Variants in SEZ6L observed in about 807,000 individuals in gnomAD.
The protein encoded by SEZ6L is seizure 6-like protein.
SEZ6L carries 37 observed loss-of-function variants against 106.2 expected under a neutral mutation model. The ratio of observed to expected loss-of-function variants is 0.35; its 90% CI spans 0.27 to 0.46. The LOEUF (loss-of-function observed/expected upper bound fraction) is 0.46, where lower values mean the gene tolerates loss of function less well. Ranked by LOEUF, SEZ6L falls within the 20% of genes least tolerant of loss-of-function variation. The pLI, the probability that SEZ6L is intolerant of heterozygous loss-of-function variation, is 1.00. For synonymous variants in SEZ6L, 541 were observed against 570.4 expected (o/e 0.95, Z 0.73); for missense variants, 1,172 against 1,332.8 (o/e 0.88, Z 1.88).
chr22:26,199,379 G>A (rs1461874767), intron 1 of SEZ6L, among the ~76,000 whole-genome samples: 1 of 152,164 alleles, frequency 6.6e-6, no homozygotes. Context: ...GAAAGCCTGG[G>A]AGGGAAAGGT....
intron 13 of SEZ6L, among the ~76,000 whole-genome samples, chr22:26,368,876 G>A (rs1380309392): frequency 2.0e-5 from 3 of 152,088 alleles, no homozygotes; most frequent in Admixed American, 2.0e-4. Context: ...TTTTCCCAAA[G>A]CCACACAGCT....
intron 12 of SEZ6L, among the ~76,000 whole-genome samples, chr22:26,357,213 G>A (rs7292024): frequency 6.6e-6 from 1 of 152,118 alleles, no homozygotes; most frequent in Non-Finnish European, 1.5e-5. Flanking sequence ...TCAAAGTGCT[G>A]GGATTACAGC....
chr22:26,293,640 T>C (rs1019142106), intron 2 of SEZ6L, among the ~76,000 whole-genome samples: 5 of 152,162 alleles, frequency 3.3e-5, no homozygotes, highest in African/African-American at 1.2e-4. Context: ...ATCCCCATTT[T>C]AAAGATGAGA....
chr22:26,172,132 A>C (rs926783692), intron 1 of SEZ6L, among the ~76,000 whole-genome samples: 1 of 152,160 alleles, frequency 6.6e-6, no homozygotes, highest in Non-Finnish European at 1.5e-5. Flanking sequence ...TTGTAACTAC[A>C]TGCAAAGACT....
intron 11 of SEZ6L, among the ~76,000 whole-genome samples, chr22:26,348,709 AGGGAG>A (rs2083152069): frequency 2.4e-5 from 1 of 41,656 alleles, no homozygotes; most frequent in African/African-American, 9.0e-5. Context: ...AAAGAAGGCA[AGGGAG>A]GGAAGGGAGG....
intron 1 of SEZ6L, among the ~76,000 whole-genome samples, chr22:26,283,080 C>T (rs1336568547): frequency 6.6e-6 from 1 of 152,042 alleles, no homozygotes; most frequent in Non-Finnish European, 1.5e-5. Flanking sequence ...TGCCGCCACA[C>T]CTGGCTAATT....
intron 1 of SEZ6L, among the ~76,000 whole-genome samples, chr22:26,200,599 G>A (rs1940875967): frequency 6.6e-6 from 1 of 152,208 alleles, no homozygotes. Flanking sequence ...GCAATGTGGT[G>A]CAGTGGGCAT....
chr22:26,263,990 A>G (rs2080099006), intron 1 of SEZ6L, among the ~76,000 whole-genome samples: 1 of 152,164 alleles, frequency 6.6e-6, no homozygotes, highest in African/African-American at 2.4e-5. Context: ...GATCTTTGCA[A>G]TTCTAGTGAT....
chr22:26,307,112 G>A lies in SEZ6L; in HGVS notation c.1514+968G>A, dbSNP rs555779217. ...TGGAAACCTCTGGGCAATGTGTTGA[G>A]CATACCTCAGAGTGGTCCTGTTGGA... On this transcript the variant is annotated intron_variant, in intron 6 of 16. Coordinates refer to ENST00000248933, the MANE Select transcript of SEZ6L (RefSeq NM_021115.5). Among the ~76,000 whole-genome samples, 23 of 152,336 alleles carry A rather than the reference G, an allele frequency of 1.5e-4. No individual in the cohort carries two copies. In the South Asian group the frequency reaches 2.5e-3, roughly 16 times the overall value.
chr22:26,189,336 T>G (rs1940017101), intron 1 of SEZ6L, among the ~76,000 whole-genome samples: 1 of 152,216 alleles, frequency 6.6e-6, no homozygotes, highest in African/African-American at 2.4e-5. Context: ...GTCTAACTCT[T>G]GAGTCAAAGA....
At chr22:26,298,682 C>G (rs756526095) in intron 4 of SEZ6L, among the ~76,000 whole-genome samples, 15 of 152,230 alleles carry the variant, frequency 9.9e-5, no homozygotes, top group Middle Eastern at 3.4e-3. Context: ...AGAGAGAAGG[C>G]CAATCTGTCT....
At chr22:26,356,654 TAATAATAATA>T (rs2083445235) in intron 12 of SEZ6L, among the ~76,000 whole-genome samples, 1 of 18,484 alleles carries the variant, frequency 5.4e-5, no homozygotes, top group Non-Finnish European at 1.3e-4. Context: ...ATAATAATAA[TAATAATAATA>T]ATAATAATAA....
intron 4 of SEZ6L, among the ~76,000 whole-genome samples, chr22:26,298,395 G>A (rs1259888689): frequency 6.6e-6 from 1 of 152,152 alleles, no homozygotes; most frequent in African/African-American, 2.4e-5. Context: ...TGACTGCGAA[G>A]GAGGCTCTTT....
intron 1 of SEZ6L, among the ~76,000 whole-genome samples, chr22:26,173,375 T>C (rs553075058): frequency 6.6e-6 from 1 of 152,306 alleles, no homozygotes; most frequent in Non-Finnish European, 1.5e-5. Context: ...GTAACTCCAG[T>C]TACCTGTATT....
intron 10 of SEZ6L, among the ~76,000 whole-genome samples, chr22:26,345,518 G>A (rs985364339): frequency 5.9e-5 from 9 of 152,126 alleles, no homozygotes; most frequent in African/African-American, 2.2e-4. Flanking sequence ...CTGAGCATCT[G>A]CAGCTGTGTC....
At chr22:26,231,105 G>C (rs1281571798) in intron 1 of SEZ6L, among the ~76,000 whole-genome samples, 1 of 152,240 alleles carries the variant, frequency 6.6e-6, no homozygotes, top group Non-Finnish European at 1.5e-5. Context: ...AGGCGCAAGA[G>C]GTATTGCTCC....
intron 1 of SEZ6L, among the ~76,000 whole-genome samples, chr22:26,272,558 T>C (rs137182): frequency 0.51 from 77,498 of 151,992 alleles, 21,075 homozygotes; most frequent in African/African-American, 0.62. Flanking sequence ...TGTCCCTTGC[T>C]CCTGGTTCCA....
chr22:26,248,611 G>A (rs1200037764), intron 1 of SEZ6L, among the ~76,000 whole-genome samples: 4 of 152,178 alleles, frequency 2.6e-5, no homozygotes, highest in South Asian at 2.1e-4. Context: ...CGTGAATCAC[G>A]GGATCCAGGA....
chr22:26,268,487 A>G (rs894048432), intron 1 of SEZ6L, among the ~76,000 whole-genome samples: 1 of 151,852 alleles, frequency 6.6e-6, no homozygotes, highest in African/African-American at 2.4e-5. Flanking sequence ...AGTCCAGCAC[A>G]CTCCCTCTTC....
Sources: allele counts gnomAD v4.1 joint callset (sites outside exome capture counted in the v4.1 genomes callset), GRCh38; gene constraint gnomAD v4.1.1; transcripts MANE v1.5; gene names NCBI Gene and HGNC (gene_info 2026-07-23, HGNC 2026-07-21).